The following DERL1 variants were observed in gnomAD, a reference collection of about 807,000 sequenced individuals.
DERL1 encodes derlin 1.
Under a neutral mutation model 41.6 loss-of-function variants are expected in DERL1, and 24 were observed. The observed-to-expected ratio is 0.58, with a 90% CI of 0.42 to 0.81. The LOEUF (loss-of-function observed/expected upper bound fraction) is 0.81, where lower values mean the gene tolerates loss of function less well. DERL1 is among the 30% of genes least tolerant of loss of function. The pLI is 0.00. For missense variants in DERL1, 260 were observed against 314.3 expected (o/e 0.83, Z 1.31); for synonymous variants, 124 against 112.5 (o/e 1.10, Z -0.65).
At chr8:123,031,617 G>C (rs569659940) in intron 1 of DERL1, among the ~76,000 whole-genome samples, 69 of 152,162 alleles carry the variant, frequency 4.5e-4, no homozygotes, top group African/African-American at 1.6e-3. Context: ...CCAACCTCCA[G>C]TCTCCCAGTT....
intron 2 of DERL1, chr8:123,025,844 G>A (rs1812675878): frequency 6.6e-6 from 1 of 152,216 alleles, no homozygotes; most frequent in Non-Finnish European, 1.5e-5. Flanking sequence ...GAGCTTGTTA[G>A]AACCAGAGTG....
chr8:123,025,182 A>G, intron 2 of DERL1, 132 bp from the exon 3 acceptor site: 2 of 919,644 alleles, frequency 2.2e-6, no homozygotes, highest in South Asian at 1.8e-5. Context: ...CCTCTCTAAA[A>G]AAGTGAATTT....
At chr8:123,021,945 C>A (rs1812558289) in intron 5 of DERL1, among the ~76,000 whole-genome samples, 1 of 152,136 alleles carries the variant, frequency 6.6e-6, no homozygotes, top group Non-Finnish European at 1.5e-5. Context: ...GAATTTTTAT[C>A]TCATTATGCA....
At chr8:123,026,744 AT>A (rs57290744) in intron 2 of DERL1, among the ~76,000 whole-genome samples, 10,664 of 152,252 alleles carry the variant, frequency 0.07, 367 homozygotes, top group Middle Eastern at 0.095. Context: ...CTACACGTTC[AT>A]AGCAGCTATT....
intron 1 of DERL1, among the ~76,000 whole-genome samples, chr8:123,032,076 C>T (rs1409787681): frequency 6.6e-6 from 1 of 152,090 alleles, no homozygotes; most frequent in African/African-American, 2.4e-5. Context: ...AAGTCAAGCA[C>T]CTTTTCACGT....
intron 1 of DERL1, 55 bp downstream of exon 1, chr8:123,041,915 G>A: frequency 1.3e-6 from 2 of 1,507,580 alleles, no homozygotes; most frequent in Non-Finnish European, 1.8e-6. Context: ...ACGCTTAGCC[G>A]CCGCTGGGCC....
At chr8:123,021,782 C>T (rs1361713127) in intron 5 of DERL1, among the ~76,000 whole-genome samples, 2 of 152,180 alleles carry the variant, frequency 1.3e-5, no homozygotes, top group Admixed American at 6.5e-5. Flanking sequence ...AAACAGACAG[C>T]TTCAAAAAGC....
At chr8:123,018,007 G>A (rs1446086897) in intron 7 of DERL1, 1 of 152,120 alleles carries the variant, frequency 6.6e-6, no homozygotes, top group Non-Finnish European at 1.5e-5. Context: ...GTATATCTCT[G>A]TATATTACAG....
intron 1 of DERL1, among the ~76,000 whole-genome samples, chr8:123,040,877 A>G (rs1156533881): frequency 6.6e-6 from 1 of 152,224 alleles, no homozygotes; most frequent in African/African-American, 2.4e-5. Context: ...TCAGTTTTGG[A>G]CACGTTAAGA....
intron 1 of DERL1, among the ~76,000 whole-genome samples, chr8:123,035,580 G>A (rs542986141): frequency 3.3e-5 from 5 of 152,240 alleles, no homozygotes; most frequent in Admixed American, 2.0e-4. Context: ...GAGGACTCGT[G>A]GGGGAGTATC....
chr8:123,038,739 C>T (rs908682474), intron 1 of DERL1, among the ~76,000 whole-genome samples: 26 of 152,172 alleles, frequency 1.7e-4, no homozygotes, highest in African/African-American at 6.3e-4. Context: ...CCATTGCTCC[C>T]CATGACCACA....
chr8:123,020,559 C>T (rs1247433176), intron 6 of DERL1, among the ~76,000 whole-genome samples: 1 of 151,972 alleles, frequency 6.6e-6, no homozygotes, highest in Admixed American at 6.6e-5. Flanking sequence ...TTGGTATCCT[C>T]CCTTTAAAAT....
At chr8:123,037,879 C>T (rs1352611198) in intron 1 of DERL1, among the ~76,000 whole-genome samples, 2 of 152,164 alleles carry the variant, frequency 1.3e-5, no homozygotes, top group Non-Finnish European at 2.9e-5. Context: ...GCAGGCGGCC[C>T]TGGGAGACAT....
intron 7 of DERL1, chr8:123,016,723 C>T (rs1020603060): frequency 5.9e-5 from 9 of 152,260 alleles, no homozygotes; most frequent in Non-Finnish European, 2.9e-5. Flanking sequence ...CCCTGCACTA[C>T]TTGTTATACT....
intron 1 of DERL1, 135 bp downstream of exon 1, chr8:123,041,835 G>A (rs986346336): frequency 4.0e-5 from 50 of 1,263,380 alleles, no homozygotes; most frequent in Middle Eastern, 2.8e-4. Flanking sequence ...AAAGGACCCC[G>A]CCCTAAACCG....
chr8:123,018,212 A>G (rs1814639838), intron 7 of DERL1: 1 of 152,122 alleles, frequency 6.6e-6, no homozygotes, highest in Non-Finnish European at 1.5e-5. Flanking sequence ...GCAAGCTATT[A>G]CTGCATATCC....
At chr8:123,026,986 C>CT (rs1453623178) in intron 2 of DERL1, among the ~76,000 whole-genome samples, 3 of 152,066 alleles carry the variant, frequency 2.0e-5, no homozygotes, top group Non-Finnish European at 4.4e-5. Flanking sequence ...ACACGCAAAT[C>CT]TAAAGAGTCA....
In DERL1 at chr8:123,022,787, A is replaced by T; in HGVS notation, c.358-8T>A. ...CAGAGGAATCATCAGCAACTGCAAAAGAAGTCGACATGTAAAAACCAGGCT... is the reference window on the plus strand; with the variant it reads ...CAGAGGAATCATCAGCAACTGCAAATGAAGTCGACATGTAAAAACCAGGCT... On this transcript the variant is annotated splice_polypyrimidine_tract_variant and splice_region_variant and intron_variant, in intron 4 of 7. Coordinates refer to ENST00000259512, the MANE Select transcript of DERL1 (RefSeq NM_024295.6). 1 of 1,613,718 alleles carries T rather than the reference A, an allele frequency of 6.2e-7. No individual in the cohort carries two copies. Among genetic ancestry groups the T allele is most frequent in the South Asian group, 1.1e-5 (1 of 91,070 alleles).
chr8:123,019,718 G>T (rs2130458316), intron 6 of DERL1, among the ~76,000 whole-genome samples: 1 of 152,306 alleles, frequency 6.6e-6, no homozygotes, highest in Middle Eastern at 3.4e-3. Flanking sequence ...AAGGAAAAGA[G>T]GAACAATAAA....
Sources: allele counts gnomAD v4.1 joint callset (sites outside exome capture counted in the v4.1 genomes callset), GRCh38; gene constraint gnomAD v4.1.1; transcripts MANE v1.5; gene names NCBI Gene and HGNC (gene_info 2026-07-23, HGNC 2026-07-21).